CHEK2: variants seen among roughly 807,000 people sequenced by gnomAD.
CHEK2 encodes serine/threonine-protein kinase Chk2.
CHEK2 carries 71 observed loss-of-function variants against 69.1 expected under a neutral mutation model. The ratio of observed to expected loss-of-function variants is 1.03; its 90% confidence interval spans 0.85 to 1.25. The LOEUF (loss-of-function observed/expected upper bound fraction) is 1.25, where lower values mean the gene tolerates loss of function less well. CHEK2 is among the 50% of genes most tolerant of loss of function. CHEK2 has a pLI of 0.00. For missense variants in CHEK2, 664 were observed against 649.6 expected (o/e 1.02, Z -0.24); for synonymous variants, 189 against 226.9 (o/e 0.83, Z 1.50).
chr22:28,714,533 A>G (rs1040428006), intron 5 of CHEK2, among the ~76,000 whole-genome samples: 5 of 152,172 alleles, frequency 3.3e-5, no homozygotes, highest in African/African-American at 9.7e-5. Flanking sequence ...TCTATTCTAG[A>G]CATAAGCCCT....
At chr22:28,695,055 G>C in intron 12 of CHEK2, 72 bp downstream of exon 12, 1 of 915,282 alleles carries the variant, frequency 1.1e-6, no homozygotes, top group Non-Finnish European at 1.8e-6. Flanking sequence ...CATGGAATTT[G>C]GGAAGAAACT....
chr22:28,711,687 T>G (rs2053396374), intron 6 of CHEK2, among the ~76,000 whole-genome samples: 1 of 152,132 alleles, frequency 6.6e-6, no homozygotes, highest in Admixed American at 6.6e-5. Context: ...CTATGCTCAT[T>G]ATTATGTACA....
intron 12 of CHEK2, among the ~76,000 whole-genome samples, chr22:28,694,493 G>T (rs6005837): frequency 2.6e-5 from 4 of 152,022 alleles, no homozygotes; most frequent in African/African-American, 9.7e-5. Flanking sequence ...GTTACTCAGC[G>T]AGGGAGAGGC....
intron 2 of CHEK2, among the ~76,000 whole-genome samples, chr22:28,728,802 T>C (rs1239557519): frequency 2.0e-5 from 3 of 151,950 alleles, no homozygotes; most frequent in Non-Finnish European, 4.4e-5. Flanking sequence ...TTGAGCAACA[T>C]AGGGACACCC....
chr22:28,703,399 C>T (rs897025925), intron 8 of CHEK2, 106 bp downstream of exon 8: 5 of 706,182 alleles, frequency 7.1e-6, no homozygotes, highest in Admixed American at 6.6e-5. Context: ...TACATACATA[C>T]GTTGAGGCCC....
intron 7 of CHEK2, among the ~76,000 whole-genome samples, chr22:28,705,793 G>A (rs150251066): frequency 2.9e-4 from 44 of 151,702 alleles, no homozygotes; most frequent in Admixed American, 2.0e-3. Flanking sequence ...GGGCGTGGTG[G>A]TGCATGCCTG....
intron 5 of CHEK2, 96 bp from the exon 6 acceptor site, chr22:28,712,113 T>TTCCATATTAGAATTTACAGACAG: frequency 2.3e-6 from 2 of 879,496 alleles, no homozygotes; most frequent in Non-Finnish European, 3.8e-6. Flanking sequence ...TTTACAGACA[T>TTCCATATTAGAATTTACAGACAG]TCCATATAAC....
chr22:28,726,073 G>A (rs1488682653), intron 2 of CHEK2, among the ~76,000 whole-genome samples: 9 of 151,912 alleles, frequency 5.9e-5, no homozygotes, highest in Non-Finnish European at 1.2e-4. Context: ...GCGTGGTGGC[G>A]GGTGCCTGTA....
chr22:28,723,531 G>A (rs1316187058), intron 4 of CHEK2, among the ~76,000 whole-genome samples: 2 of 148,306 alleles, frequency 1.3e-5, no homozygotes, highest in African/African-American at 5.0e-5. Flanking sequence ...CCGGGAGGCG[G>A]AGCTTGCAGT....
intron 7 of CHEK2, chr22:28,708,952 CA>C (rs374623367): frequency 0.083 from 26,100 of 315,972 alleles, 33 homozygotes; most frequent in South Asian, 0.13. Flanking sequence ...GCCTCCGTCT[CA>C]AAAAAAAAAA....
intron 9 of CHEK2, among the ~76,000 whole-genome samples, chr22:28,699,363 T>TA (rs2052726619): frequency 8.5e-5 from 1 of 11,792 alleles, no homozygotes; most frequent in Non-Finnish European, 6.3e-4. Flanking sequence ...GAGCTTTTTC[T>TA]TTTTTTTTTT....
At chr22:28,688,259 C>T (rs182964430) in intron 14 of CHEK2, among the ~76,000 whole-genome samples, 5 of 152,276 alleles carry the variant, frequency 3.3e-5, no homozygotes, top group Admixed American at 2.6e-4. Flanking sequence ...TCCTCTTGAT[C>T]GTCCTCTTCT....
At chr22:28,700,144 C>T (rs1217875192) in intron 8 of CHEK2, among the ~76,000 whole-genome samples, 1 of 151,524 alleles carries the variant, frequency 6.6e-6, no homozygotes, top group Admixed American at 6.6e-5. Flanking sequence ...AAGGATTGGG[C>T]ATTGGAGGCA....
chr22:28,693,421 G>C (rs2052439619), intron 13 of CHEK2, among the ~76,000 whole-genome samples: 3 of 152,172 alleles, frequency 2.0e-5, no homozygotes, highest in Admixed American at 6.5e-5. Context: ...TTGAGAAATA[G>C]CTGGATTCTC....
rs141703411 is a variant in CHEK2 at position 28,702,135 on chromosome 22, CTGTGTGTGTGTGTGTG to C, written c.908+1354_908+1369del. ...CCCGGCTAATTTTGTGTGTGTGTGTCTGTGTGTGTGTGTGTGTGTGTGTGTGTGTGTGTGTGTTTTG... is the reference window on the plus strand; with the variant it reads ...CCCGGCTAATTTTGTGTGTGTGTGTCTGTGTGTGTGTGTGTGTGTGTTTTG... On this transcript the variant is annotated intron_variant, in intron 8 of 14. Coordinates refer to ENST00000404276, the MANE Select transcript of CHEK2 (RefSeq NM_007194.4). 3.6e-5 allele frequency among the ~76,000 whole-genome samples: 5 copies of C among 140,408 alleles called. No individual in the cohort carries two copies. The South Asian group carries it at 7.2e-4, about 20-fold the overall frequency. 92.1% of individuals were successfully genotyped at this position (140,408 alleles called of 152,430 possible).
intron 10 of CHEK2, among the ~76,000 whole-genome samples, chr22:28,696,310 A>C (rs1036667035): frequency 1.3e-5 from 2 of 152,156 alleles, no homozygotes; most frequent in Non-Finnish European, 2.9e-5. Context: ...AAATCCTAAC[A>C]AGAGATTCTA....
intron 2 of CHEK2, among the ~76,000 whole-genome samples, chr22:28,729,633 T>C (rs1031976013): frequency 4.1e-5 from 6 of 145,690 alleles, no homozygotes; most frequent in South Asian, 4.3e-4. Flanking sequence ...ACGATAACAA[T>C]AGAATATAGG....
At chr22:28,721,953 A>G (rs2053801791) in intron 4 of CHEK2, among the ~76,000 whole-genome samples, 1 of 151,954 alleles carries the variant, frequency 6.6e-6, no homozygotes, top group Non-Finnish European at 1.5e-5. Context: ...CTGGTCTCGA[A>G]TTCCTGGACT....
chr22:28,715,723 C>G (rs189962060), intron 5 of CHEK2, among the ~76,000 whole-genome samples: 1 of 152,112 alleles, frequency 6.6e-6, no homozygotes, highest in Non-Finnish European at 1.5e-5. Context: ...CCCGGCCTGG[C>G]TATTTCCCAG....
Sources: gnomAD v4.1 joint callset for allele counts (sites outside exome capture counted in the v4.1 genomes callset) on GRCh38, gnomAD v4.1.1 for gene constraint, MANE v1.5 for transcripts, NCBI Gene and HGNC (gene_info 2026-07-23, HGNC 2026-07-21) for gene names.